The following CNKSR3 variants were observed in gnomAD, a reference collection of about 807,000 sequenced individuals.
The protein encoded by CNKSR3 is CNKSR family member 3.
In CNKSR3, 36 loss-of-function variants were observed where a neutral mutation model predicts 67.7. The ratio of observed to expected loss-of-function variants is 0.53; its 90% CI spans 0.41 to 0.70. The LOEUF is 0.70. CNKSR3 is among the 30% of genes least tolerant of loss of function. CNKSR3 has a pLI of 0.00. For missense variants in CNKSR3, 630 were observed against 695.2 expected (o/e 0.91, Z 1.05); for synonymous variants, 281 against 271.4 (o/e 1.04, Z -0.35).
intron 1 of CNKSR3, among the ~76,000 whole-genome samples, chr6:154,484,673 G>A (rs867696452): frequency 7.3e-6 from 1 of 137,180 alleles, no homozygotes; most frequent in Non-Finnish European, 1.5e-5. Context: ...TTGCACTCCA[G>A]CCTGGGCAAC....
At chr6:154,447,176 C>G (rs574571800) in intron 2 of CNKSR3, among the ~76,000 whole-genome samples, 2 of 152,288 alleles carry the variant, frequency 1.3e-5, no homozygotes, top group East Asian at 3.9e-4. Flanking sequence ...ATCACACCCT[C>G]TCGACCAGTA....
rs1208970980 is a variant in CNKSR3 at position 154,403,444 on chromosome 6, TAAAG to T, written c.*2906_*2909del. 6.6e-6 allele frequency: 1 copy of T among 151,228 alleles called. No homozygotes were observed. Among genetic ancestry groups the T allele is most frequent in the Non-Finnish European group, 1.5e-5 (1 of 67,828 alleles). 9.4% of individuals were successfully genotyped at this position (151,228 alleles called of 1,614,324 possible). The stretch of plus-strand genomic sequence containing the variant: ...AAAATTTTTTTTAAAGAAATAAAAA[TAAAG>T]AATCCTGTCAAAAAGCATCATCAAG... On this transcript the variant is annotated 3_prime_UTR_variant, in exon 13 of 13. Transcript: ENST00000607772.
chr6:154,478,002 G>A (rs1462195597), intron 1 of CNKSR3, among the ~76,000 whole-genome samples: 1 of 152,162 alleles, frequency 6.6e-6, no homozygotes, highest in Admixed American at 6.5e-5. Context: ...CGGAAGAGAG[G>A]CAGCGAACAC....
chr6:154,453,535 T>C (rs1228640291), intron 1 of CNKSR3, among the ~76,000 whole-genome samples: 1 of 152,214 alleles, frequency 6.6e-6, no homozygotes, highest in African/African-American at 2.4e-5. Context: ...AAAATCACGT[T>C]ACTGCCCACA....
At chr6:154,431,231 G>A (rs908648380) in intron 5 of CNKSR3, among the ~76,000 whole-genome samples, 10 of 151,906 alleles carry the variant, frequency 6.6e-5, no homozygotes, top group Non-Finnish European at 7.4e-5. Flanking sequence ...ATCACCTGAA[G>A]TCAGGAGTTC....
At chr6:154,425,574 G>A (rs190172704) in intron 7 of CNKSR3, among the ~76,000 whole-genome samples, 13 of 152,312 alleles carry the variant, frequency 8.5e-5, no homozygotes, top group Admixed American at 3.9e-4. Flanking sequence ...AACTCCCACC[G>A]GATCTCAGGG....
chr6:154,496,877 C>A (rs1350999039), intron 1 of CNKSR3, among the ~76,000 whole-genome samples: 1 of 152,138 alleles, frequency 6.6e-6, no homozygotes, highest in African/African-American at 2.4e-5. Context: ...CCAAACTTAC[C>A]CACCTAAGTG....
Position 154,406,148 on chromosome 6 carries a change from C to T in CNKSR3, c.*206G>A. On this transcript the variant is annotated 3_prime_UTR_variant, in exon 13 of 13. Transcript: ENST00000607772. ...TCTACCCATTTCCCTCCTTTTGTCT[C>T]CACAAGCCAGCACCTAAGATCCTCT... 5.2e-6 allele frequency: 3 copies of T among 579,128 alleles called. No individual in the cohort carries two copies. The highest frequency in any genetic ancestry group is 9.1e-6 in the Non-Finnish European group (3 of 328,226). 35.9% of individuals were successfully genotyped at this position (579,128 alleles called of 1,614,324 possible). A position where few individuals can be genotyped will look rare whatever the true frequency, so the allele number is the denominator to read the frequency against.
chr6:154,409,121 T>A (rs1784858476), intron 12 of CNKSR3, among the ~76,000 whole-genome samples: 1 of 152,184 alleles, frequency 6.6e-6, no homozygotes, highest in Non-Finnish European at 1.5e-5. Context: ...CTTTTTCACT[T>A]TAGCATAATA....
Position 154,403,817 on chromosome 6 carries a change from GA to G in CNKSR3, c.*2536del, listed in dbSNP as rs1236573479. On this transcript the variant is annotated 3_prime_UTR_variant, in exon 13 of 13. Coordinates refer to ENST00000607772, the MANE Select transcript of CNKSR3 (RefSeq NM_173515.4). ...CTGACTGCCGAATATTCACTTAAAG[GA>G]TGGCTGTTCAATTCACAAGTGGCAT... is the stretch of plus-strand genomic sequence containing the variant. The G allele has an allele frequency of 6.6e-6, 1 of 152,122 alleles. No homozygotes were observed. The highest frequency in any genetic ancestry group is 1.5e-5 in the Non-Finnish European group (1 of 68,028). 9.4% of individuals were successfully genotyped at this position (152,122 alleles called of 1,614,324 possible). A position where few individuals can be genotyped will look rare whatever the true frequency, so the allele number is the denominator to read the frequency against.
intron 10 of CNKSR3, among the ~76,000 whole-genome samples, chr6:154,411,633 CAAAAAAAAAAA>C (rs57943019): frequency 5.8e-5 from 6 of 103,368 alleles, no homozygotes; most frequent in Admixed American, 2.3e-4. Context: ...GACTCCATCT[CAAAAAAAAAAA>C]AAAAAAAAAA....
At chr6:154,488,962 C>A (rs537548674) in intron 1 of CNKSR3, among the ~76,000 whole-genome samples, 1 of 152,186 alleles carries the variant, frequency 6.6e-6, no homozygotes, top group East Asian at 1.9e-4. Flanking sequence ...ATGCGACAAC[C>A]TCAACCACAT....
At chr6:154,441,484 T>C in intron 3 of CNKSR3, 105 bp from the exon 4 acceptor site, 1 of 752,378 alleles carries the variant, frequency 1.3e-6, no homozygotes, top group South Asian at 1.7e-5. Flanking sequence ...CTAAATTCCT[T>C]TTTGTTTTGT....
rs1038955977 is a variant in CNKSR3, at chr6:154,444,680, A to T, written c.217-2390T>A. ...GAGTGCAGTGGTGTGATCTCGGCTCACTGCAACCTCTGACTCCCTGGTTCA... is the reference window on the plus strand; with the variant it reads ...GAGTGCAGTGGTGTGATCTCGGCTCTCTGCAACCTCTGACTCCCTGGTTCA... On this transcript the variant is annotated intron_variant, in intron 2 of 12. Transcript: ENST00000607772. Among the ~76,000 whole-genome samples, 16 of 144,258 alleles carry T rather than the reference A, an allele frequency of 1.1e-4. 1 individual carries two copies. The highest frequency in any genetic ancestry group is 2.2e-4 in the Admixed American group (3 of 13,826). 94.6% of individuals were successfully genotyped at this position (144,258 alleles called of 152,430 possible).
intron 7 of CNKSR3, among the ~76,000 whole-genome samples, chr6:154,425,784 A>G (rs972928443): frequency 5.0e-5 from 3 of 59,462 alleles, no homozygotes; most frequent in African/African-American, 1.5e-4. Context: ...GAATATGGAC[A>G]TAATTCACTT....
Position 154,411,067 on chromosome 6 carries a change from C to T in CNKSR3, c.1146G>A (p.Glu382=). 1 of 1,614,102 alleles carries T rather than the reference C, an allele frequency of 6.2e-7. No homozygotes were observed. The highest frequency in any genetic ancestry group is 8.5e-7 in the Non-Finnish European group (1 of 1,179,994). ...CCTGGTCCAAGAAGGAATTCGGGGACTCTGAACCCTTAGGACCAGGCAATG... is the reference window on the plus strand; with the variant it reads ...CCTGGTCCAAGAAGGAATTCGGGGATTCTGAACCCTTAGGACCAGGCAATG... The part of the protein sequence containing the change: ...KQPLPGPKGS[E]SPNSFLDQES... Residue 382 remains glutamate (E), a synonymous_variant, in exon 11 of 13, where the codon GAG becomes GAA. Transcript: ENST00000607772.
chr6:154,507,585 C>T (rs1428431031), intron 1 of CNKSR3, among the ~76,000 whole-genome samples: 1 of 152,206 alleles, frequency 6.6e-6, no homozygotes, highest in Non-Finnish European at 1.5e-5. Flanking sequence ...TAATGGGTCA[C>T]GCAACTTGGA....
chr6:154,505,875 C>T (rs1020510658), intron 1 of CNKSR3, among the ~76,000 whole-genome samples: 2 of 152,146 alleles, frequency 1.3e-5, no homozygotes, highest in Non-Finnish European at 2.9e-5. Context: ...GCTGGGACAA[C>T]CAGTCCCACG....
At position 154,441,316 on chromosome 6, in the gene CNKSR3, C is replaced by T. The variant is rs1404774840; in HGVS notation, c.483G>A (p.Leu161=). 1.2e-6 allele frequency: 2 copies of T among 1,611,970 alleles called. No individual in the cohort carries two copies. The highest frequency in any genetic ancestry group is 1.1e-5 in the South Asian group (1 of 91,028). ...CCTTCTGGACTGTAGTGGTCAGGTC[C>T]AAGCAAAGCTGGATAATTTTGTTCT... ...VTKNKIIQLC[L]DLTTTVQKDC... Residue 161 remains leucine (L), a synonymous_variant, in exon 4 of 13, where the codon TTG becomes TTA. Transcript: ENST00000607772.
Sources: gnomAD v4.1 joint callset for allele counts (sites outside exome capture counted in the v4.1 genomes callset) on GRCh38, gnomAD v4.1.1 for gene constraint, MANE v1.5 for transcripts, NCBI Gene and HGNC (gene_info 2026-07-23, HGNC 2026-07-21) for gene names.